MAPK8: variants seen among roughly 807,000 people sequenced by gnomAD.
MAPK8 encodes the protein JUN N-terminal kinase.
In MAPK8, 13 loss-of-function variants were observed where a neutral mutation model predicts 52.9. That is an observed-to-expected ratio of 0.25 (90% CI 0.16 to 0.39). MAPK8 has a LOEUF of 0.39. Among genes scored for constraint, MAPK8 ranks in the 10% least tolerant of loss-of-function variants. The pLI is 1.00. For missense variants in MAPK8, 300 were observed against 519.2 expected (o/e 0.58, Z 4.10); for synonymous variants, 191 against 169.8 (o/e 1.12, Z -0.97).
Position 48,412,148 on chromosome 10 carries a change from T to C in MAPK8, c.450+1980T>C, listed in dbSNP as rs139733491. On this transcript the variant is annotated intron_variant, in intron 5 of 11. Transcript: ENST00000374189. ...GGCGTGAACCACCCCACCTGGCCTC[T>C]TTCAGCACTTTAGATGTATCATCCA... Among the ~76,000 whole-genome samples the C allele has an allele frequency of 1.5e-4, 23 of 152,318 alleles. No individual in the cohort carries two copies. The East Asian group carries it at 4.4e-3, about 29-fold the overall frequency.
At chr10:48,350,734 C>T (rs1422051566) in intron 1 of MAPK8, among the ~76,000 whole-genome samples, 1 of 152,178 alleles carries the variant, frequency 6.6e-6, no homozygotes, top group African/African-American at 2.4e-5. Context: ...TCTCACTACT[C>T]CTATTCAATA....
At chr10:48,417,069 C>T (rs900696770) in intron 5 of MAPK8, among the ~76,000 whole-genome samples, 1 of 152,160 alleles carries the variant, frequency 6.6e-6, no homozygotes, top group African/African-American at 2.4e-5. Context: ...CCTCTACCCA[C>T]TAGATGCCAG....
chr10:48,307,626 T>G (rs1841522265), intron 1 of MAPK8, among the ~76,000 whole-genome samples: 1 of 152,228 alleles, frequency 6.6e-6, no homozygotes, highest in Non-Finnish European at 1.5e-5. Flanking sequence ...TTTCTGAAAG[T>G]TCCCTGCTTG....
intron 1 of MAPK8, among the ~76,000 whole-genome samples, chr10:48,393,141 C>T (rs2041713970): frequency 1.3e-5 from 2 of 151,904 alleles, no homozygotes; most frequent in African/African-American, 2.4e-5. Flanking sequence ...TTTTACTTAA[C>T]GACTACTCTT....
intron 5 of MAPK8, among the ~76,000 whole-genome samples, chr10:48,414,514 G>A (rs12265885): frequency 0.044 from 6,331 of 142,896 alleles, 519 homozygotes; most frequent in African/African-American, 0.16. Context: ...ATGCAGTGGC[G>A]TAATCATAGT....
intron 5 of MAPK8, among the ~76,000 whole-genome samples, chr10:48,413,782 C>A (rs959036285): frequency 8.4e-6 from 1 of 119,592 alleles, no homozygotes; most frequent in Non-Finnish European, 1.7e-5. Flanking sequence ...TGAATATTAC[C>A]AAGTTACCAA....
chr10:48,434,274 G>A (rs1015183756), intron 11 of MAPK8, among the ~76,000 whole-genome samples: 2 of 152,192 alleles, frequency 1.3e-5, no homozygotes, highest in South Asian at 2.1e-4. Flanking sequence ...GAGTGACAGT[G>A]GCATGTCCCA....
chr10:48,349,053 G>A (rs1298796305), intron 1 of MAPK8, among the ~76,000 whole-genome samples: 1 of 152,040 alleles, frequency 6.6e-6, no homozygotes. Context: ...AATGGTAAAG[G>A]GATCAATGCA....
At chr10:48,434,336 T>C (rs1248551410) in intron 11 of MAPK8, among the ~76,000 whole-genome samples, 2 of 152,232 alleles carry the variant, frequency 1.3e-5, no homozygotes, top group African/African-American at 4.8e-5. Context: ...CTGTTAAACT[T>C]AATTTTATTC....
At chr10:48,344,936 A>G (rs1340876798) in intron 1 of MAPK8, among the ~76,000 whole-genome samples, 1 of 152,212 alleles carries the variant, frequency 6.6e-6, no homozygotes, top group African/African-American at 2.4e-5. Context: ...AACAAAATCT[A>G]AGTAGATGCT....
chr10:48,322,418 G>T (rs1374027926), intron 1 of MAPK8, among the ~76,000 whole-genome samples: 1 of 152,116 alleles, frequency 6.6e-6, no homozygotes, highest in Non-Finnish European at 1.5e-5. Context: ...TGGGAATGAT[G>T]CTATCTCCTT....
chr10:48,429,014 G>T (rs2043932888), intron 10 of MAPK8, among the ~76,000 whole-genome samples: 1 of 151,632 alleles, frequency 6.6e-6, no homozygotes, highest in African/African-American at 2.4e-5. Flanking sequence ...TTGAGACAGG[G>T]TCTCACTGTG....
At chr10:48,420,890 A>G (rs772180772) in intron 6 of MAPK8, among the ~76,000 whole-genome samples, 1 of 152,228 alleles carries the variant, frequency 6.6e-6, no homozygotes, top group East Asian at 1.9e-4. Flanking sequence ...ATCCAGTTGT[A>G]TCAATCAACC....
At chr10:48,434,745 G>A in intron 11 of MAPK8, 139 bp from the exon 12 acceptor site, 6 of 574,972 alleles carry the variant, frequency 1.0e-5, no homozygotes, top group Non-Finnish European at 1.7e-5. Context: ...TAGTGTGTTG[G>A]ATATCATTTG....
At chr10:48,425,330 G>A (rs1442027486) in intron 7 of MAPK8, 3 of 508,182 alleles carry the variant, frequency 5.9e-6, no homozygotes, top group African/African-American at 4.0e-5. Context: ...TTTTTATAAG[G>A]GTCAGAGCTT....
chr10:48,361,493 G>T (rs143249947), intron 1 of MAPK8, among the ~76,000 whole-genome samples: 1 of 152,162 alleles, frequency 6.6e-6, no homozygotes, highest in East Asian at 1.9e-4. Flanking sequence ...AATTATTTCA[G>T]TTTACCTTTC....
At chr10:48,365,316 G>T (rs1847929442) in intron 1 of MAPK8, among the ~76,000 whole-genome samples, 1 of 152,132 alleles carries the variant, frequency 6.6e-6, no homozygotes, top group African/African-American at 2.4e-5. Context: ...TGGCTCTGTT[G>T]TCTTTGTCCT....
intron 10 of MAPK8, among the ~76,000 whole-genome samples, chr10:48,427,562 G>T (rs896655741): frequency 2.0e-5 from 3 of 152,046 alleles, no homozygotes; most frequent in African/African-American, 7.3e-5. Context: ...TGTGATCTCG[G>T]CTCACTGCAA....
chr10:48,424,207 T>C (rs764876958), intron 7 of MAPK8, 48 bp downstream of exon 7: 23 of 1,477,996 alleles, frequency 1.6e-5, no homozygotes, highest in Non-Finnish European at 1.9e-6. Context: ...GATGAACTTC[T>C]TTATGTTCTC....
Sources: allele counts gnomAD v4.1 joint callset (sites outside exome capture counted in the v4.1 genomes callset), GRCh38; gene constraint gnomAD v4.1.1; transcripts MANE v1.5; gene names NCBI Gene and HGNC (gene_info 2026-07-23, HGNC 2026-07-21).